ADGRD1: variants seen among roughly 807,000 people sequenced by gnomAD.
The protein encoded by ADGRD1 is adhesion G protein-coupled receptor D1.
A neutral mutation model predicts 113.4 loss-of-function variants in ADGRD1; 77 were observed. The observed-to-expected ratio is 0.68, with a 90% CI of 0.57 to 0.82. The LOEUF (loss-of-function observed/expected upper bound fraction) is 0.82, where lower values mean the gene tolerates loss of function less well. Ranked by LOEUF, ADGRD1 falls within the 40% of genes least tolerant of loss-of-function variation. ADGRD1 has a pLI of 0.00. For synonymous variants in ADGRD1, 474 were observed against 475.0 expected (o/e 1.00, Z 0.03); for missense variants, 1,036 against 1,139.1 (o/e 0.91, Z 1.30).
intron 5 of ADGRD1, among the ~76,000 whole-genome samples, chr12:130,983,590 G>A (rs1424681384): frequency 6.6e-6 from 1 of 152,164 alleles, no homozygotes; most frequent in East Asian, 1.9e-4. Context: ...GGGAAAGGGC[G>A]AGAATTAGAA....
At chr12:131,126,309 C>G (rs144875216) in intron 20 of ADGRD1, among the ~76,000 whole-genome samples, 5 of 152,078 alleles carry the variant, frequency 3.3e-5, no homozygotes, top group Admixed American at 2.6e-4. Context: ...CTTGCTTTTC[C>G]GACTTCTGCT....
rs373574274 is a variant in ADGRD1 at position 131,127,897 on chromosome 12, G to C, written c.2176-3828G>C. On this transcript the variant is annotated intron_variant, in intron 20 of 24. Coordinates refer to ENST00000261654, the MANE Select transcript of ADGRD1 (RefSeq NM_198827.5). ...GGTTGTGATGGGACCCTGAGCTCAGGTGGGGTGTTGGTTGGGTTGGTTGTG... is the reference window on the plus strand; with the variant it reads ...GGTTGTGATGGGACCCTGAGCTCAGCTGGGGTGTTGGTTGGGTTGGTTGTG... Among the ~76,000 whole-genome samples, 534 of 90,976 alleles carry C rather than the reference G, an allele frequency of 5.9e-3. 10 individuals carry two copies. Among genetic ancestry groups the C allele is most frequent in the Admixed American group, 0.049 (460 of 9,336 alleles). The allele number at this position is 90,976 out of a possible 152,430, so 59.7% of individuals were successfully genotyped here. A position where few individuals can be genotyped will look rare whatever the true frequency, so the allele number is the denominator to read the frequency against.
At chr12:131,108,642 G>A in intron 17 of ADGRD1, 82 bp from the exon 18 acceptor site, 1 of 1,588,852 alleles carries the variant, frequency 6.3e-7, no homozygotes, top group Admixed American at 1.7e-5. Flanking sequence ...CCCAGGACAT[G>A]GATACTGGGA....
At chr12:131,049,079 T>C (rs1361345612) in intron 13 of ADGRD1, among the ~76,000 whole-genome samples, 2 of 152,226 alleles carry the variant, frequency 1.3e-5, no homozygotes, top group African/African-American at 4.8e-5. Flanking sequence ...TGATACTTCA[T>C]ATGCTGTACG....
At chr12:131,015,535 T>C (rs1475105434) in intron 13 of ADGRD1, among the ~76,000 whole-genome samples, 3 of 145,916 alleles carry the variant, frequency 2.1e-5, no homozygotes, top group Admixed American at 6.8e-5. Context: ...GAAATGGAGA[T>C]GGAGAGGGGA....
rs1188338651 is a variant in ADGRD1 at position 131,092,839 on chromosome 12, C to T, written c.1671+8176C>T. ...GCTTAAATTTTTAAAAATTGGTTGT[C>T]AGTATTCCAAAACACAGACATTTTA... On this transcript the variant is annotated intron_variant, in intron 15 of 24. Coordinates refer to ENST00000261654, the MANE Select transcript of ADGRD1 (RefSeq NM_198827.5). Among the ~76,000 whole-genome samples the T allele has an allele frequency of 2.0e-5, 3 of 151,836 alleles. No homozygotes were observed. In the South Asian group the frequency reaches 6.2e-4, roughly 32 times the overall value.
intron 15 of ADGRD1, among the ~76,000 whole-genome samples, chr12:131,089,548 C>T (rs34096738): frequency 0.083 from 12,694 of 152,042 alleles, 717 homozygotes; most frequent in Non-Finnish European, 0.12. Flanking sequence ...CCCCTGCCTG[C>T]AAGTGCTCCC....
intron 11 of ADGRD1, among the ~76,000 whole-genome samples, 188 bp downstream of exon 11, chr12:131,004,484 G>A (rs767856808): frequency 6.6e-5 from 10 of 151,498 alleles, no homozygotes; most frequent in Non-Finnish European, 8.8e-5. Context: ...TTCTCAAAGC[G>A]TGTCCTCAGG....
intron 22 of ADGRD1, 44 bp downstream of exon 22, chr12:131,136,207 T>C (rs771554175): frequency 1.9e-6 from 3 of 1,607,388 alleles, no homozygotes; most frequent in Admixed American, 1.7e-5. Context: ...CCGCCAGCCA[T>C]CAGGAGCAGG....
intron 13 of ADGRD1, among the ~76,000 whole-genome samples, chr12:131,017,948 C>T (rs1878824791): frequency 6.6e-6 from 1 of 152,150 alleles, no homozygotes; most frequent in Non-Finnish European, 1.5e-5. Flanking sequence ...AGTACACACC[C>T]AGTGCATGTA....
At chr12:130,989,587 G>C (rs979186183) in intron 6 of ADGRD1, 1 of 152,276 alleles carries the variant, frequency 6.6e-6, no homozygotes, top group African/African-American at 2.4e-5. Flanking sequence ...CAGCCAGGCC[G>C]GGCCTCGGTG....
At chr12:131,088,742 G>A (rs957737995) in intron 15 of ADGRD1, among the ~76,000 whole-genome samples, 2 of 152,194 alleles carry the variant, frequency 1.3e-5, no homozygotes, top group Non-Finnish European at 2.9e-5. Flanking sequence ...CTGGTGTGGC[G>A]GGGGTGGAGG....
rs1205887566 is a variant in ADGRD1, at chr12:130,984,357, A to T, written c.490+2294A>T. Among the ~76,000 whole-genome samples, 2 of 152,174 alleles carry T rather than the reference A, an allele frequency of 1.3e-5. No individual in the cohort carries two copies. The highest frequency in any genetic ancestry group is 4.8e-5 in the African/African-American group (2 of 41,434). ...CGCCCTTCCACGCACTGCAGTCAGC[A>T]CAGAAGCCACGTCCTCAGGGAAAGC... On this transcript the variant is annotated intron_variant, in intron 5 of 24. Coordinates refer to ENST00000261654, the MANE Select transcript of ADGRD1 (RefSeq NM_198827.5). This position sits in a 1 kb window ranked among gnomAD's most constrained non-coding sequence, Gnocchi z 4.1.
chr12:131,000,796 C>T (rs903664561), intron 9 of ADGRD1, among the ~76,000 whole-genome samples: 1 of 150,006 alleles, frequency 6.7e-6, no homozygotes, highest in Non-Finnish European at 1.5e-5. Flanking sequence ...TTTTGATCTT[C>T]AAAACGTATG....
chr12:131,067,116 T>C (rs958454662), intron 13 of ADGRD1, among the ~76,000 whole-genome samples: 2 of 151,464 alleles, frequency 1.3e-5, no homozygotes, highest in African/African-American at 4.9e-5. Context: ...ATTTGGGGGC[T>C]CAAAAAGTTG....
intron 2 of ADGRD1, among the ~76,000 whole-genome samples, chr12:130,964,264 T>A (rs1461645972): frequency 1.3e-5 from 2 of 152,148 alleles, no homozygotes. Context: ...TTTATTTTAT[T>A]ACATGTAAAT....
chr12:131,136,900 T>A, intron 22 of ADGRD1, 73 bp from the exon 23 acceptor site: 3 of 1,229,894 alleles, frequency 2.4e-6, no homozygotes, highest in Non-Finnish European at 1.2e-6. Context: ...CCAGGCTGCA[T>A]GGGAGGAACC....
In ADGRD1 at chr12:131,006,913, A is replaced by C. The variant is rs117117232; in HGVS notation, c.1331+866A>C. Reference sequence around the variant, plus strand: ...AGGAAAATGGTCAAAGAAAAATGCAATCTATTTTCCTCAAAAAGATGCCAT... The same window carrying C: ...AGGAAAATGGTCAAAGAAAAATGCACTCTATTTTCCTCAAAAAGATGCCAT... On this transcript the variant is annotated intron_variant, in intron 12 of 24. Coordinates refer to ENST00000261654, the MANE Select transcript of ADGRD1 (RefSeq NM_198827.5). Among the ~76,000 whole-genome samples, 1,088 of 152,302 alleles carry C rather than the reference A, an allele frequency of 7.1e-3. 13 individuals carry two copies. The highest frequency in any genetic ancestry group is 0.031 in the Middle Eastern group (9 of 294).
intron 20 of ADGRD1, among the ~76,000 whole-genome samples, chr12:131,130,639 C>T (rs1205435842): frequency 6.6e-6 from 1 of 152,204 alleles, no homozygotes; most frequent in Admixed American, 6.5e-5. Flanking sequence ...GAGGCGGGCT[C>T]AGCAGTTGCT....
Sources: gnomAD v4.1 joint callset for allele counts (sites outside exome capture counted in the v4.1 genomes callset) on GRCh38, gnomAD v4.1.1 for gene constraint, Gnocchi (gnomAD v3.1) non-coding constraint, MANE v1.5 for transcripts, NCBI Gene and HGNC (gene_info 2026-07-23, HGNC 2026-07-21) for gene names.